GPR158: variants seen among roughly 807,000 people sequenced by gnomAD.
GPR158 encodes metabotropic glycine receptor.
GPR158 carries 30 observed loss-of-function variants against 78.2 expected under a neutral mutation model. That is an observed-to-expected ratio of 0.38 (90% confidence interval 0.29 to 0.52). The LOEUF (loss-of-function observed/expected upper bound fraction) is 0.52. Ranked by LOEUF, GPR158 falls within the 20% of genes least tolerant of loss-of-function variation. GPR158 has a pLI of 0.83. For synonymous variants in GPR158, 581 were observed against 591.1 expected, an observed-to-expected ratio of 0.98 and a Z score of 0.25; for missense variants, 1,463 against 1,523.5, an observed-to-expected ratio of 0.96 and a Z score of 0.66.
chr10:25,212,506 C>A (rs771938000), intron 1 of GPR158, among the ~76,000 whole-genome samples: 58 of 151,998 alleles, frequency 3.8e-4, no homozygotes, highest in Admixed American at 1.3e-3. Context: ...GAACACAGAT[C>A]CAAACCATAT....
At chr10:25,354,128 T>G (rs1855514082) in intron 2 of GPR158, among the ~76,000 whole-genome samples, 1 of 151,772 alleles carries the variant, frequency 6.6e-6, no homozygotes, top group South Asian at 2.1e-4. Context: ...CCAAGGTGGG[T>G]GGATCACCTA....
At chr10:25,274,182 T>C (rs1219458414) in intron 2 of GPR158, among the ~76,000 whole-genome samples, 2 of 152,236 alleles carry the variant, frequency 1.3e-5, no homozygotes, top group Non-Finnish European at 2.9e-5. Context: ...GTTCTGATTT[T>C]GTTGCTCAGC....
chr10:25,222,535 T>C (rs1853313027), intron 2 of GPR158, among the ~76,000 whole-genome samples: 1 of 152,170 alleles, frequency 6.6e-6, no homozygotes, highest in African/African-American at 2.4e-5. Flanking sequence ...AATTAAGCTC[T>C]TCTTTTTGTC....
intron 4 of GPR158, among the ~76,000 whole-genome samples, chr10:25,440,508 G>C (rs141471900): frequency 6.6e-6 from 1 of 152,292 alleles, no homozygotes; most frequent in African/African-American, 2.4e-5. Context: ...CTGACAGGGA[G>C]ATACTTGTTG....
intron 4 of GPR158, among the ~76,000 whole-genome samples, chr10:25,460,148 C>T (rs1835338240): frequency 6.6e-6 from 1 of 151,498 alleles, no homozygotes; most frequent in African/African-American, 2.4e-5. Flanking sequence ...TTTGTTTAGA[C>T]TTATTGCATA....
intron 2 of GPR158, among the ~76,000 whole-genome samples, chr10:25,296,544 A>G (rs1361213453): frequency 6.6e-6 from 1 of 152,144 alleles, no homozygotes. Flanking sequence ...CTTGTCCAAG[A>G]TTAAAATGAA....
intron 6 of GPR158, among the ~76,000 whole-genome samples, chr10:25,566,338 C>T (rs1035117557): frequency 6.6e-6 from 1 of 152,116 alleles, no homozygotes. Context: ...AAGCATATAT[C>T]TTCAATATTA....
chr10:25,247,569 G>A (rs1163624783), intron 2 of GPR158, among the ~76,000 whole-genome samples: 1 of 118,868 alleles, frequency 8.4e-6, no homozygotes, highest in Non-Finnish European at 1.7e-5. Flanking sequence ...TGCGGTGTTT[G>A]GTTTTTTGTT....
intron 2 of GPR158, among the ~76,000 whole-genome samples, chr10:25,333,451 G>A (rs1021606589): frequency 6.6e-6 from 1 of 152,064 alleles, no homozygotes; most frequent in African/African-American, 2.4e-5. Flanking sequence ...ATACATATCT[G>A]TATGTGAACT....
chr10:25,575,082 T>G, intron 7 of GPR158, among the ~76,000 whole-genome samples: 1 of 129,756 alleles, frequency 7.7e-6, no homozygotes, highest in African/African-American at 2.9e-5. Context: ...AAAAAAAAAA[T>G]AGTGAAGGAT....
chr10:25,454,575 G>T (rs1324275850), intron 4 of GPR158, among the ~76,000 whole-genome samples: 3 of 152,104 alleles, frequency 2.0e-5, no homozygotes. Context: ...TGGCAGGAGA[G>T]TAACAGTAAA....
chr10:25,264,098 A>G (rs1352524245), intron 2 of GPR158, among the ~76,000 whole-genome samples: 1 of 152,158 alleles, frequency 6.6e-6, no homozygotes, highest in Non-Finnish European at 1.5e-5. Flanking sequence ...CCAAACCAGC[A>G]TTGTGGTAAC....
intron 2 of GPR158, among the ~76,000 whole-genome samples, chr10:25,315,202 C>A (rs1854831094): frequency 6.6e-6 from 1 of 152,004 alleles, no homozygotes; most frequent in East Asian, 1.9e-4. Context: ...TTTACTCTTA[C>A]TGAAAGTGAT....
intron 6 of GPR158, among the ~76,000 whole-genome samples, chr10:25,565,208 C>T (rs566148003): frequency 1.3e-5 from 2 of 152,272 alleles, no homozygotes; most frequent in South Asian, 4.1e-4. Context: ...ATCTTCTTGC[C>T]TTCATGTGCT....
At chr10:25,507,421 G>A (rs1432381050) in intron 5 of GPR158, among the ~76,000 whole-genome samples, 2 of 152,198 alleles carry the variant, frequency 1.3e-5, no homozygotes, top group African/African-American at 4.8e-5. Context: ...GGGGTAGATA[G>A]AAAACACTAT....
intron 4 of GPR158, among the ~76,000 whole-genome samples, chr10:25,433,835 G>C (rs1459709241): frequency 6.6e-6 from 1 of 151,064 alleles, no homozygotes; most frequent in East Asian, 1.9e-4. Flanking sequence ...AACCTGACTG[G>C]GATCTCTTTC....
intron 1 of GPR158, among the ~76,000 whole-genome samples, chr10:25,218,996 C>T (rs898485941): frequency 1.3e-5 from 2 of 152,050 alleles, no homozygotes; most frequent in African/African-American, 2.4e-5. Flanking sequence ...AATTCTGGCA[C>T]ATAGTAAGCA....
chr10:25,514,458 C>A (rs999982182), intron 5 of GPR158, among the ~76,000 whole-genome samples: 1 of 152,028 alleles, frequency 6.6e-6, no homozygotes, highest in African/African-American at 2.4e-5. Context: ...TTGGTGAATT[C>A]TTTTCCATTC....
chr10:25,186,668 AC>A (rs1437024675), intron 1 of GPR158, among the ~76,000 whole-genome samples: 1 of 152,198 alleles, frequency 6.6e-6, no homozygotes, highest in Non-Finnish European at 1.5e-5. Context: ...CCAAGATTAA[AC>A]CAGGAAGAAG....
Sources: gnomAD v4.1 joint callset for allele counts (sites outside exome capture counted in the v4.1 genomes callset) on GRCh38, gnomAD v4.1.1 for gene constraint, MANE v1.5 for transcripts, NCBI Gene and HGNC (gene_info 2026-07-23, HGNC 2026-07-21) for gene names.